The following EPHB1 variants were observed in gnomAD, a reference collection of about 807,000 sequenced individuals.
The protein encoded by EPHB1 is EPH receptor B1.
A neutral mutation model predicts 94.4 loss-of-function variants in EPHB1; 30 were observed. The ratio of observed to expected loss-of-function variants is 0.32; its 90% confidence interval spans 0.24 to 0.43. The LOEUF (loss-of-function observed/expected upper bound fraction) is 0.43, where lower values mean the gene tolerates loss of function less well. EPHB1 is among the 20% of genes least tolerant of loss of function. The probability of loss-of-function intolerance (pLI) is 1.00; values close to 1 mark genes in which losing one functional copy is unlikely to be tolerated. For synonymous variants in EPHB1, 522 were observed against 489.1 expected, an observed-to-expected ratio of 1.07 and a Z score of -0.89; for missense variants, 1,055 against 1,308.3, an observed-to-expected ratio of 0.81 and a Z score of 2.99.
At chr3:134,985,012 C>T (rs1034385063) in intron 3 of EPHB1, among the ~76,000 whole-genome samples, 13 of 152,084 alleles carry the variant, frequency 8.5e-5, no homozygotes, top group South Asian at 2.1e-4. Context: ...TGGACCAGCA[C>T]CCTGATGTAA....
chr3:134,860,550 C>A (rs1033040716), intron 1 of EPHB1, among the ~76,000 whole-genome samples: 1 of 152,154 alleles, frequency 6.6e-6, no homozygotes, highest in East Asian at 1.9e-4. Flanking sequence ...CGCGATGGCT[C>A]ACGCCTGTAA....
chr3:135,059,385 C>T (rs967035881), intron 3 of EPHB1, among the ~76,000 whole-genome samples: 4 of 152,102 alleles, frequency 2.6e-5, no homozygotes, highest in East Asian at 3.9e-4. Flanking sequence ...TGGTCCCTGG[C>T]GGCTCACCCC....
At chr3:134,876,678 T>C (rs1276279518) in intron 1 of EPHB1, among the ~76,000 whole-genome samples, 3 of 152,100 alleles carry the variant, frequency 2.0e-5, no homozygotes, top group Non-Finnish European at 2.9e-5. Flanking sequence ...GGCTAATGGT[T>C]ATGGCTGGGG....
chr3:134,959,105 A>C (rs905579349), intron 3 of EPHB1, among the ~76,000 whole-genome samples: 4 of 152,218 alleles, frequency 2.6e-5, no homozygotes, highest in Non-Finnish European at 5.9e-5. Context: ...ATTATCAAAG[A>C]TGATGACAGA....
intron 2 of EPHB1, among the ~76,000 whole-genome samples, chr3:134,940,338 A>G (rs73226291): frequency 0.042 from 6,466 of 152,280 alleles, 207 homozygotes; most frequent in African/African-American, 0.085. Context: ...TTCCACATCC[A>G]TGATCTTTCA....
chr3:135,179,879 C>T lies in EPHB1; in HGVS notation c.1779C>T (p.Ile593=). The T allele has an allele frequency of 1.9e-6, 3 of 1,613,930 alleles. No individual in the cohort carries two copies. The highest frequency in any genetic ancestry group is 2.5e-6 in the Non-Finnish European group (3 of 1,179,832). ...STGRGSPGMK[I]YIDPFTYEDP... ...AACAAGGCTCCCCAGGGATGAAGAT[C>T]TACATTGACCCCTTCACTTACGAGG... Residue 593 remains isoleucine, a synonymous_variant, in exon 10 of 16, where the codon ATC becomes ATT. Transcript: ENST00000398015.
chr3:135,133,004 T>G lies in EPHB1; in HGVS notation c.1252T>G (p.Phe418Val). 1 of 1,607,926 alleles carries G rather than the reference T, an allele frequency of 6.2e-7. No individual in the cohort carries two copies. The highest frequency in any genetic ancestry group is 8.5e-7 in the Non-Finnish European group (1 of 1,175,006). ...CAATGGAGTCTCCAGCAAGAGTCCC[T>G]TCCCCCCACAGCACGTCTCTGTCAA... ...AINGVSSKSP[F>V]PPQHVSVNIT... Residue 418 changes from phenylalanine to valine, a missense_variant, in exon 5 of 16, where the codon TTC (phenylalanine) becomes GTC (valine). Transcript: ENST00000398015.
chr3:134,819,421 A>G (rs776466992), intron 1 of EPHB1, among the ~76,000 whole-genome samples: 31 of 152,152 alleles, frequency 2.0e-4, no homozygotes, highest in Non-Finnish European at 2.9e-4. Context: ...CCAGGTTCTC[A>G]TCTCCACTTG....
chr3:135,248,373 G>T lies in EPHB1; in HGVS notation c.2554G>T (p.Ala852Ser), dbSNP rs2107731187. ...GCCCCCACCCATGGACTGTCCAGCT[G>T]CTCTACACCAGCTCATGCTGGACTG... is the stretch of plus-strand genomic sequence containing the variant. ...RLPPPMDCPA[A>S]LHQLMLDCWQ... The change falls in exon 14 of 16, where the codon GCT becomes TCT. Residue 852 changes from alanine to serine, a missense_variant. Coordinates refer to ENST00000398015, the MANE Select transcript of EPHB1 (RefSeq NM_004441.5). 1 of 1,613,312 alleles carries T rather than the reference G, an allele frequency of 6.2e-7. No homozygotes were observed. Among genetic ancestry groups the T allele is most frequent in the Non-Finnish European group, 8.5e-7 (1 of 1,179,442 alleles).
rs191740070 is a variant in EPHB1 at position 134,795,593 on chromosome 3, G to C, written c.-39G>C. 1.0e-3 allele frequency: 1,661 copies of C among 1,596,706 alleles called. 9 individuals are homozygous for C. In the African/African-American group the frequency reaches 0.017, roughly 16 times the overall value. On this transcript the variant is annotated 5_prime_UTR_variant, in exon 1 of 16. Transcript: ENST00000398015. ...GACGCGGCGCTCTCCCGGCGCTGCT[G>C]CCTCGGCTTGGTCTCGGCCTGCGGG...
At chr3:134,815,060 C>T (rs2036243784) in intron 1 of EPHB1, among the ~76,000 whole-genome samples, 2 of 152,022 alleles carry the variant, frequency 1.3e-5, no homozygotes, top group Non-Finnish European at 1.5e-5. Context: ...AAGAGCTATC[C>T]TAGATTAAAG....
At chr3:134,950,259 C>G (rs1461379778) in intron 2 of EPHB1, among the ~76,000 whole-genome samples, 2 of 152,156 alleles carry the variant, frequency 1.3e-5, no homozygotes, top group Admixed American at 6.5e-5. Context: ...TTGTCTTTCC[C>G]TTAAGAAAGT....
intron 2 of EPHB1, among the ~76,000 whole-genome samples, chr3:134,940,547 C>T (rs563114415): frequency 1.3e-5 from 2 of 152,192 alleles, no homozygotes; most frequent in Admixed American, 6.5e-5. Context: ...GCTTTCTCAG[C>T]AATGGGCCAG....
intron 2 of EPHB1, among the ~76,000 whole-genome samples, chr3:134,941,379 A>G (rs2039113060): frequency 1.4e-5 from 2 of 144,354 alleles, no homozygotes; most frequent in South Asian, 2.2e-4. Context: ...GGGACATTGC[A>G]TCAGTCCAGG....
In EPHB1 at chr3:135,157,125, A is replaced by T. The variant is rs188101834; in HGVS notation, c.1422+2849A>T. Among the ~76,000 whole-genome samples the T allele has an allele frequency of 2.7e-3, 406 of 152,358 alleles. 3 individuals carry two copies. The highest frequency in any genetic ancestry group is 1.2e-3 in the Non-Finnish European group (81 of 68,038). On this transcript the variant is annotated intron_variant, in intron 6 of 15. Transcript: ENST00000398015. ...TTTTAAAAGGAAAACAAAGAAGTTA[A>T]TAAAACAAAAACCTTGTCCAGAGTC... is the stretch of plus-strand genomic sequence containing the variant.
intron 2 of EPHB1, among the ~76,000 whole-genome samples, chr3:134,946,165 A>G (rs547263164): frequency 5.9e-5 from 9 of 152,310 alleles, no homozygotes; most frequent in African/African-American, 2.2e-4. Flanking sequence ...GGGCACCCAC[A>G]ATGAACTCCA....
At chr3:134,978,814 G>A (rs774737856) in intron 3 of EPHB1, among the ~76,000 whole-genome samples, 6 of 152,248 alleles carry the variant, frequency 3.9e-5, no homozygotes, top group Admixed American at 3.3e-4. Context: ...ACCTAGCATG[G>A]TGGAGCTATT....
intron 3 of EPHB1, among the ~76,000 whole-genome samples, chr3:135,008,274 C>G (rs1935495283): frequency 6.6e-6 from 1 of 152,204 alleles, no homozygotes; most frequent in Admixed American, 6.5e-5. Context: ...CCTATGCACA[C>G]TTACAATGTG....
chr3:134,844,669 G>A (rs1159995137), intron 1 of EPHB1, among the ~76,000 whole-genome samples: 1 of 152,152 alleles, frequency 6.6e-6, no homozygotes, highest in African/African-American at 2.4e-5. Context: ...GGAGGAGGGT[G>A]CTTTCCTAGG....
Sources: gnomAD v4.1 joint callset for allele counts (sites outside exome capture counted in the v4.1 genomes callset) on GRCh38, gnomAD v4.1.1 for gene constraint, MANE v1.5 for transcripts, NCBI Gene and HGNC (gene_info 2026-07-23, HGNC 2026-07-21) for gene names.